The following TAB2 variants were observed in gnomAD, a reference collection of about 807,000 sequenced individuals.
TAB2 encodes TGF-beta activated kinase 1 (MAP3K7) binding protein 2.
TAB2 carries 3 observed loss-of-function variants against 65.0 expected under a neutral mutation model. The observed-to-expected ratio is 0.05, with a 90% confidence interval of 0.02 to 0.12. TAB2 has a LOEUF of 0.12. Among genes scored for constraint, TAB2 ranks in the 10% least tolerant of loss-of-function variants. The probability of loss-of-function intolerance (pLI) is 1.00; values close to 1 mark genes in which losing one functional copy is unlikely to be tolerated. For missense variants in TAB2, 623 were observed against 840.3 expected, an observed-to-expected ratio of 0.74 and a Z score of 3.20; for synonymous variants, 298 against 285.1, an observed-to-expected ratio of 1.05 and a Z score of -0.46.
intron 1 of TAB2, among the ~76,000 whole-genome samples, chr6:149,266,703 C>T (rs968748633): frequency 6.6e-6 from 1 of 152,158 alleles, no homozygotes; most frequent in Non-Finnish European, 1.5e-5. Context: ...AGCTAGAGCA[C>T]GAATGTGGTG....
chr6:149,274,165 A>G (rs927752709), intron 1 of TAB2, among the ~76,000 whole-genome samples: 1 of 152,220 alleles, frequency 6.6e-6, no homozygotes. Flanking sequence ...TCAATTTTCC[A>G]TGTGACATAA....
chr6:149,277,354 T>TA (rs944812112), intron 1 of TAB2, among the ~76,000 whole-genome samples: 28 of 151,996 alleles, frequency 1.8e-4, no homozygotes, highest in Non-Finnish European at 3.1e-4. Context: ...CTATTTTTTT[T>TA]AAAAAAAGAA....
At chr6:149,275,283 A>AGAAG (rs1778446494) in intron 1 of TAB2, among the ~76,000 whole-genome samples, 1 of 151,312 alleles carries the variant, frequency 6.6e-6, no homozygotes. Context: ...AAAGAAAGAA[A>AGAAG]GAAAGAAAGA....
intron 1 of TAB2, among the ~76,000 whole-genome samples, chr6:149,254,868 G>A (rs4897099): frequency 0.55 from 84,401 of 152,126 alleles, 25,402 homozygotes; most frequent in African/African-American, 0.8. Context: ...AATGTTAAAT[G>A]TAGGCTACAC....
rs1271175190 is a variant in TAB2 at position 149,254,351 on chromosome 6, T to C, written c.-121+35575T>C. Among the ~76,000 whole-genome samples the C allele has an allele frequency of 2.0e-5, 3 of 152,264 alleles. No homozygotes were observed. In the East Asian group the frequency reaches 5.8e-4, roughly 29 times the overall value. Reference sequence around the variant, plus strand: ...ACCAGCCACTGGGTTTTCATGCATGTGATTTGGTGCATGTCTTTATGGTTT... The same window carrying C: ...ACCAGCCACTGGGTTTTCATGCATGCGATTTGGTGCATGTCTTTATGGTTT... On this transcript the variant is annotated intron_variant, in intron 1 of 1. Coordinates refer to the TAB2 transcript ENST00000606202.
intron 3 of TAB2, among the ~76,000 whole-genome samples, chr6:149,396,878 C>T (rs951905102): frequency 6.6e-6 from 1 of 152,184 alleles, no homozygotes; most frequent in Non-Finnish European, 1.5e-5. Flanking sequence ...ATTCTACATT[C>T]CCTTCTAAAA....
chr6:149,287,493 T>TAAAA (rs201156738), intron 1 of TAB2, among the ~76,000 whole-genome samples: 2 of 150,668 alleles, frequency 1.3e-5, no homozygotes, highest in African/African-American at 2.4e-5. Flanking sequence ...TTTTTTTTTT[T>TAAAA]AAAAAGAAAG....
At chr6:149,280,666 C>A (rs1003365147) in intron 1 of TAB2, among the ~76,000 whole-genome samples, 4 of 152,112 alleles carry the variant, frequency 2.6e-5, no homozygotes, top group African/African-American at 9.7e-5. Flanking sequence ...AGACATAAGG[C>A]ACAGTGGCTC....
upstream of TAB2, among the ~76,000 whole-genome samples, chr6:149,316,346 G>A (rs141497088): frequency 2.5e-3 from 381 of 152,270 alleles, 1 homozygote; most frequent in Non-Finnish European, 3.8e-3. Flanking sequence ...AAAGGAAGTG[G>A]GGAGAAAGAA....
chr6:149,388,012 CTG>C (rs1331080290), intron 3 of TAB2, among the ~76,000 whole-genome samples: 1 of 152,180 alleles, frequency 6.6e-6, no homozygotes, highest in African/African-American at 2.4e-5. Context: ...TCTTGGCAGA[CTG>C]TGAGATTACT....
chr6:149,234,135 G>T (rs1051981367), intron 1 of TAB2, among the ~76,000 whole-genome samples: 1 of 152,026 alleles, frequency 6.6e-6, no homozygotes, highest in Non-Finnish European at 1.5e-5. Flanking sequence ...CTCACAAACC[G>T]CTCCTAGTAT....
At chr6:149,220,113 C>T (rs1273833227) in intron 1 of TAB2, among the ~76,000 whole-genome samples, 1 of 152,106 alleles carries the variant, frequency 6.6e-6, no homozygotes. Context: ...TAATGGTTGA[C>T]TTAATAGAAG....
intron 1 of TAB2, among the ~76,000 whole-genome samples, chr6:149,321,595 GAAT>G (rs1036270808): frequency 6.6e-6 from 1 of 152,182 alleles, no homozygotes; most frequent in Non-Finnish European, 1.5e-5. Flanking sequence ...AAAGATGCCA[GAAT>G]AATGATCCCA....
intron 1 of TAB2, among the ~76,000 whole-genome samples, chr6:149,326,720 G>T (rs1411806541): frequency 1.3e-5 from 2 of 151,954 alleles, no homozygotes; most frequent in Non-Finnish European, 2.9e-5. Flanking sequence ...GCTAATTTTT[G>T]TATTTTTAGT....
chr6:149,406,556 C>CT (rs149877650), intron 6 of TAB2, among the ~76,000 whole-genome samples: 1,728 of 152,190 alleles, frequency 0.011, 33 homozygotes, highest in African/African-American at 0.04. Flanking sequence ...AGCCTGCCGT[C>CT]TGTTTTTGTC....
intron 1 of TAB2, among the ~76,000 whole-genome samples, chr6:149,229,127 T>C (rs1426360830): frequency 1.3e-5 from 2 of 152,172 alleles, no homozygotes; most frequent in Non-Finnish European, 2.9e-5. Flanking sequence ...CAAGCATTTG[T>C]AATGTAATCC....
chr6:149,328,032 T>C (rs1422480491), intron 1 of TAB2, among the ~76,000 whole-genome samples: 1 of 152,232 alleles, frequency 6.6e-6, no homozygotes. Flanking sequence ...GTAAGTGCTC[T>C]TGTTGAAGGT....
At chr6:149,263,389 A>G (rs1369976908) in intron 1 of TAB2, among the ~76,000 whole-genome samples, 3 of 152,218 alleles carry the variant, frequency 2.0e-5, no homozygotes, top group African/African-American at 4.8e-5. Context: ...TCTTATTACT[A>G]TGCAGACACA....
Position 149,274,745 on chromosome 6 carries a change from C to A in TAB2, c.-121+55969C>A, listed in dbSNP as rs367995006. Among the ~76,000 whole-genome samples the A allele has an allele frequency of 3.3e-5, 5 of 152,232 alleles. No individual in the cohort carries two copies. The East Asian group carries it at 9.7e-4, about 29-fold the overall frequency. ...GACCAAGGCAATGCTTCTGGAAGGC[C>A]CTAGGTAGTGCCTGATGCCAGAGTG... is the stretch of plus-strand genomic sequence containing the variant. On this transcript the variant is annotated intron_variant, in intron 1 of 1. Transcript: ENST00000606202.
Sources: gnomAD v4.1 joint callset for allele counts (sites outside exome capture counted in the v4.1 genomes callset) on GRCh38, gnomAD v4.1.1 for gene constraint, MANE v1.5 for transcripts, NCBI Gene and HGNC (gene_info 2026-07-23, HGNC 2026-07-21) for gene names.